The following COL23A1 variants were observed in gnomAD, a reference collection of about 807,000 sequenced individuals.
COL23A1 encodes collagen alpha-1(XXIII) chain.
COL23A1 carries 97 observed loss-of-function variants against 99.3 expected under a neutral mutation model. That is an observed-to-expected ratio of 0.98 (90% CI 0.83 to 1.16). COL23A1 has a LOEUF of 1.16. Ranked by LOEUF, COL23A1 falls within the 50% of genes most tolerant of loss-of-function variation. The probability of loss-of-function intolerance (pLI) is 0.00; values close to 1 mark genes in which losing one functional copy is unlikely to be tolerated. For synonymous variants in COL23A1, 320 were observed against 308.2 expected (o/e 1.04, Z -0.40); for missense variants, 762 against 757.4 (o/e 1.01, Z -0.07).
Position 178,334,057 on chromosome 5 carries a change from G to A in COL23A1, c.362-27138C>T, listed in dbSNP as rs117599125. Among the ~76,000 whole-genome samples, 5 of 152,256 alleles carry A rather than the reference G, an allele frequency of 3.3e-5. No individual in the cohort carries two copies. In the East Asian group the frequency reaches 9.7e-4, roughly 29 times the overall value. ...TGGGGAGGTTGCAGCCAAGTTCCCT[G>A]TCCTCCACCCCATGCCCTGGGGATG... is the stretch of plus-strand genomic sequence containing the variant. On this transcript the variant is annotated intron_variant, in intron 2 of 28. Transcript: ENST00000390654.
intron 1 of COL23A1, among the ~76,000 whole-genome samples, chr5:178,573,664 T>C (rs1369778837): frequency 2.0e-5 from 3 of 152,208 alleles, no homozygotes; most frequent in Non-Finnish European, 4.4e-5. Flanking sequence ...GCAGTTTTAT[T>C]AATAATAACC....
chr5:178,379,878 T>G (rs7726772), intron 2 of COL23A1, among the ~76,000 whole-genome samples: 1 of 130,130 alleles, frequency 7.7e-6, no homozygotes, highest in African/African-American at 3.0e-5. Context: ...CGAAACTCCA[T>G]CTCAAAAAAA....
At chr5:178,494,314 T>C (rs750533778) in intron 2 of COL23A1, among the ~76,000 whole-genome samples, 1 of 151,934 alleles carries the variant, frequency 6.6e-6, no homozygotes, top group Non-Finnish European at 1.5e-5. Flanking sequence ...CTAGGAGAGA[T>C]GGGAAGGTGA....
chr5:178,362,504 G>A (rs1762226561), intron 2 of COL23A1, among the ~76,000 whole-genome samples: 1 of 152,060 alleles, frequency 6.6e-6, no homozygotes, highest in African/African-American at 2.4e-5. Flanking sequence ...CCTTTGAAGA[G>A]CCACCCTCCC....
chr5:178,270,114 A>G (rs771802149), intron 6 of COL23A1, among the ~76,000 whole-genome samples: 1 of 152,152 alleles, frequency 6.6e-6, no homozygotes, highest in African/African-American at 2.4e-5. Flanking sequence ...TGCCCACTTG[A>G]CAGACAAGAA....
intron 2 of COL23A1, among the ~76,000 whole-genome samples, chr5:178,311,256 A>G (rs1758653182): frequency 6.9e-6 from 1 of 144,490 alleles, no homozygotes; most frequent in African/African-American, 2.9e-5. Flanking sequence ...CTTCTGAGCA[A>G]CTTACTCAAC....
chr5:178,407,262 T>C (rs753987924), intron 2 of COL23A1, among the ~76,000 whole-genome samples: 1 of 152,164 alleles, frequency 6.6e-6, no homozygotes, highest in Non-Finnish European at 1.5e-5. Flanking sequence ...TAAGTGTCAA[T>C]GGAAGCTCAG....
At chr5:178,287,176 T>C (rs1167444988) in intron 5 of COL23A1, among the ~76,000 whole-genome samples, 2 of 152,190 alleles carry the variant, frequency 1.3e-5, no homozygotes, top group Admixed American at 1.3e-4. Context: ...GGCAGGGCCC[T>C]AACCCCAGGT....
Position 178,341,902 on chromosome 5 carries a change from T to C in COL23A1, c.362-34983A>G, listed in dbSNP as rs529693288. On this transcript the variant is annotated intron_variant, in intron 2 of 28. Coordinates refer to ENST00000390654, the MANE Select transcript of COL23A1 (RefSeq NM_173465.4). ...CACTGCCTTCACGTCTTTGCTCACA[T>C]GCCACCTTCTCATGGAAAACTGCCA... 2.0e-5 allele frequency among the ~76,000 whole-genome samples: 3 copies of C among 152,286 alleles called. No individual in the cohort carries two copies. The East Asian group carries it at 5.8e-4, about 29-fold the overall frequency.
rs1046385063 is a variant in COL23A1, at chr5:178,434,583, C to T, written c.361+126099G>A. Among the ~76,000 whole-genome samples, 3 of 152,266 alleles carry T rather than the reference C, an allele frequency of 2.0e-5. No homozygotes were observed. The highest frequency in any genetic ancestry group is 6.5e-5 in the Admixed American group (1 of 15,292). ...CCTGGGGCCTTCCACTGGCGCTCTT[C>T]CTGGGACCCCAGCTGGGCGCCTGGC... On this transcript the variant is annotated intron_variant, in intron 2 of 28. Transcript: ENST00000390654. This position sits in a 1 kb window ranked among gnomAD's most constrained non-coding sequence, Gnocchi z 4.3.
chr5:178,359,191 C>T (rs1016764422), intron 2 of COL23A1, among the ~76,000 whole-genome samples: 1 of 152,192 alleles, frequency 6.6e-6, no homozygotes, highest in Admixed American at 6.5e-5. Flanking sequence ...TCGGTTTCCA[C>T]CAACACCCCA....
intron 27 of COL23A1, among the ~76,000 whole-genome samples, chr5:178,241,162 T>TG (rs763115142): frequency 4.0e-5 from 6 of 151,888 alleles, no homozygotes; most frequent in Non-Finnish European, 5.9e-5. Context: ...GCCTGGGAGA[T>TG]GGAGGCTGCA....
rs559696109 is a variant in COL23A1, at chr5:178,535,801, C to A, written c.361+24881G>T. ...CCTGAGCCAGAGTCCCCAGCCCCAT[C>A]GTGGAGAGGGCTGTGAGAGGGTGGG... On this transcript the variant is annotated intron_variant, in intron 2 of 28. Coordinates refer to ENST00000390654, the MANE Select transcript of COL23A1 (RefSeq NM_173465.4). Among the ~76,000 whole-genome samples the A allele has an allele frequency of 1.8e-4, 27 of 152,370 alleles. No homozygotes were observed. In the East Asian group the frequency reaches 5.2e-3, roughly 29 times the overall value.
intron 2 of COL23A1, among the ~76,000 whole-genome samples, chr5:178,364,335 C>T (rs997970763): frequency 7.5e-6 from 1 of 133,110 alleles, no homozygotes; most frequent in African/African-American, 2.8e-5. Context: ...CTGCTTGCCT[C>T]ATTTCTAGGT....
At chr5:178,318,306 A>T (rs1759085549) in intron 2 of COL23A1, among the ~76,000 whole-genome samples, 1 of 152,136 alleles carries the variant, frequency 6.6e-6, no homozygotes, top group African/African-American at 2.4e-5. Flanking sequence ...TTAAAGGGAG[A>T]GGTACTGACT....
At chr5:178,488,477 ATTCC>A (rs1296072282) in intron 2 of COL23A1, among the ~76,000 whole-genome samples, 1 of 152,072 alleles carries the variant, frequency 6.6e-6, no homozygotes, top group Non-Finnish European at 1.5e-5. Context: ...AGAATACAGT[ATTCC>A]TTCCTTTCCC....
intron 2 of COL23A1, among the ~76,000 whole-genome samples, chr5:178,481,131 C>CAAAAAAAAAAAAAAAAAAA (rs10625763): frequency 9.8e-6 from 1 of 102,280 alleles, no homozygotes; most frequent in Non-Finnish European, 1.9e-5. Flanking sequence ...GACTGTCTCT[C>CAAAAAAAAAAAAAAAAAAA]AAAAAAAAAA....
At chr5:178,335,888 T>C (rs764445305) in intron 2 of COL23A1, among the ~76,000 whole-genome samples, 5 of 152,232 alleles carry the variant, frequency 3.3e-5, no homozygotes, top group African/African-American at 4.8e-5. Context: ...CTACAATTGA[T>C]CTACCATGTC....
chr5:178,346,296 C>T lies in COL23A1; in HGVS notation c.362-39377G>A, dbSNP rs148434950. On this transcript the variant is annotated intron_variant, in intron 2 of 28. Coordinates refer to ENST00000390654, the MANE Select transcript of COL23A1 (RefSeq NM_173465.4). ...TCGCCCAGGCTGGAGTGCATTGGTG[C>T]GATCTCGGCTCACTGCAACCTCCAC... Among the ~76,000 whole-genome samples the T allele has an allele frequency of 2.7e-3, 417 of 152,134 alleles. 1 individual carries two copies. The highest frequency in any genetic ancestry group is 9.6e-3 in the African/African-American group (398 of 41,508).
Sources: allele counts gnomAD v4.1 joint callset (sites outside exome capture counted in the v4.1 genomes callset), GRCh38; gene constraint gnomAD v4.1.1; non-coding constraint Gnocchi (gnomAD v3.1); transcripts MANE v1.5; gene names NCBI Gene and HGNC (gene_info 2026-07-23, HGNC 2026-07-21).